Variants in NEURL3 observed in about 807,000 individuals in gnomAD.
NEURL3 encodes neuralized E3 ubiquitin protein ligase 3, also known as E3 ubiquitin-protein ligase NEURL3.
A neutral mutation model predicts 17.6 loss-of-function variants in NEURL3; 19 were observed. The observed-to-expected ratio is 1.08, with a 90% CI of 0.75 to 1.58. The LOEUF (loss-of-function observed/expected upper bound fraction) is 1.58. NEURL3 is among the 40% of genes most tolerant of loss of function. NEURL3 has a pLI of 0.00. For synonymous variants in NEURL3, 180 were observed against 161.4 expected (o/e 1.11, Z -0.87); for missense variants, 342 against 379.6 (o/e 0.90, Z 0.82).
upstream of NEURL3, chr2:96,505,494 G>A: frequency 3.3e-6 from 2 of 606,910 alleles, no homozygotes; most frequent in Non-Finnish European, 5.8e-6. Context: ...AGACTGACCT[G>A]CTGGAGCTGG....
chr2:96,500,686 G>A lies in NEURL3; in HGVS notation c.267C>T (p.Ser89=), dbSNP rs982396956. Reference sequence around the variant, plus strand: ...ACAGGAAGGGCGGCAGGCTGGGCACGGACACGCACGCGGGGTCCAGGCGCG... The same window carrying A: ...ACAGGAAGGGCGGCAGGCTGGGCACAGACACGCACGCGGGGTCCAGGCGCG... ...GFTRLDPACV[S]VPSLPPFLCP... is the part of the protein sequence containing the mutation. Residue 89 remains serine, a synonymous_variant, in exon 2 of 4, where the codon TCC becomes TCT. Transcript: ENST00000451794. 6 of 1,517,964 alleles carry A rather than the reference G, an allele frequency of 4.0e-6. No individual in the cohort carries two copies. The Admixed American group carries it at 8.3e-5, about 21-fold the overall frequency. The allele number at this position is 1,517,964 out of a possible 1,614,324, so 94.0% of individuals were successfully genotyped here. A position where few individuals can be genotyped will look rare whatever the true frequency, so the allele number is the denominator to read the frequency against.
Position 96,498,166 on chromosome 2 carries a change from G to A in NEURL3, c.*78C>T, listed in dbSNP as rs2104601081. On this transcript the variant is annotated 3_prime_UTR_variant, in exon 4 of 4. Coordinates refer to ENST00000451794, the MANE Select transcript of NEURL3 (RefSeq NM_001285485.2). The surrounding 1 kb of genome is among the most constrained non-coding windows in gnomAD (Gnocchi z 4.4). ...TGACTCTTCCCCAGAAAGAAGGTAG[G>A]GCTGCGCCTCCTTCCTCTCTGCAGG... 9 of 1,364,136 alleles carry A rather than the reference G, an allele frequency of 6.6e-6. No individual in the cohort carries two copies. Among genetic ancestry groups the A allele is most frequent in the South Asian group, 1.5e-5 (1 of 67,570 alleles). 84.5% of individuals were successfully genotyped at this position (1,364,136 alleles called of 1,614,324 possible). A position where few individuals can be genotyped will look rare whatever the true frequency, so the allele number is the denominator to read the frequency against.
At chr2:96,506,675 C>T (rs1267132255), upstream of NEURL3, among the ~76,000 whole-genome samples, 1 of 152,274 alleles carries the variant, frequency 6.6e-6, no homozygotes, top group Non-Finnish European at 1.5e-5. Context: ...TTAGTGCAGG[C>T]TGCCTTGGGT....
chr2:96,498,703 G>A lies in NEURL3; in HGVS notation c.587-257C>T, dbSNP rs1316112667. Among the ~76,000 whole-genome samples, 3 of 152,092 alleles carry A rather than the reference G, an allele frequency of 2.0e-5. No individual in the cohort carries two copies. Among genetic ancestry groups the A allele is most frequent in the Non-Finnish European group, 2.9e-5 (2 of 68,026 alleles). On this transcript the variant is annotated intron_variant, in intron 3 of 3. Transcript: ENST00000451794. This position sits in a 1 kb window ranked among gnomAD's most constrained non-coding sequence, Gnocchi z 4.4. ...GTCCCTATATACACACGTCTATATC[G>A]ATGACCGAAAATACTGGGAGGAAAT... is the stretch of plus-strand genomic sequence containing the variant.
intron 1 of NEURL3, 105 bp from the exon 2 acceptor site, chr2:96,501,029 G>C: frequency 7.4e-7 from 1 of 1,344,612 alleles, no homozygotes; most frequent in Non-Finnish European, 9.7e-7. Context: ...GGAGCACCTT[G>C]ACCTTCCCCT....
chr2:96,504,951 T>C (rs936018270), intron 1 of NEURL3, among the ~76,000 whole-genome samples: 2 of 151,042 alleles, frequency 1.3e-5, no homozygotes, highest in African/African-American at 2.4e-5. Flanking sequence ...ACGGGACACC[T>C]GTGGCCTCAG....
chr2:96,501,861 A>G (rs1379584018), intron 1 of NEURL3, among the ~76,000 whole-genome samples: 1 of 152,104 alleles, frequency 6.6e-6, no homozygotes, highest in African/African-American at 2.4e-5. Context: ...TGTTGAAAAT[A>G]AAAGGCGAAT....
At chr2:96,505,209 G>A in intron 1 of NEURL3, 50 bp downstream of exon 1, 1 of 1,595,218 alleles carries the variant, frequency 6.3e-7, no homozygotes, top group Non-Finnish European at 8.5e-7. Flanking sequence ...TCTGCTACCT[G>A]TACCCCCAGT....
At chr2:96,499,487 GC>G in intron 2 of NEURL3, 38 bp from the exon 3 acceptor site, 1 of 1,576,056 alleles carries the variant, frequency 6.3e-7, no homozygotes, top group Non-Finnish European at 8.6e-7. Flanking sequence ...AGGACGGCAA[GC>G]CCAGGTGCCC....
chr2:96,507,358 T>TTG (rs2065569191), upstream of NEURL3, among the ~76,000 whole-genome samples: 1 of 152,268 alleles, frequency 6.6e-6, no homozygotes, highest in South Asian at 2.1e-4. Flanking sequence ...TTTTCTCTTG[T>TTG]TGACCTGTCT....
upstream of NEURL3, among the ~76,000 whole-genome samples, chr2:96,506,625 G>C (rs942075913): frequency 6.6e-6 from 1 of 152,280 alleles, no homozygotes; most frequent in Non-Finnish European, 1.5e-5. Context: ...ATCAGTGACT[G>C]CTCGGCTAAG....
intron 1 of NEURL3, among the ~76,000 whole-genome samples, chr2:96,503,245 T>G (rs2065527427): frequency 6.6e-6 from 1 of 152,066 alleles, no homozygotes; most frequent in African/African-American, 2.4e-5. Flanking sequence ...TGGGAGCCCT[T>G]GAGAAGCAGG....
rs749420891 is a variant in NEURL3 at position 96,498,331 on chromosome 2, C to T, written c.702G>A (p.Thr234=). 19 of 1,598,218 alleles carry T rather than the reference C, an allele frequency of 1.2e-5. No homozygotes were observed. In the Admixed American group the frequency reaches 1.8e-4, roughly 15 times the overall value. The part of the protein sequence containing the change: ...RYCAWRVFSD[T]AKCPVCRWQI... ...GCCAGCGGCACACAGGGCACTTGGC[C>T]GTATCGCTGAAGACCCGCCAGGCAC... is the stretch of plus-strand genomic sequence containing the variant. Residue 234 remains threonine (T), a synonymous_variant, in exon 4 of 4, where the codon ACG becomes ACA. Transcript: ENST00000451794. This position sits in a 1 kb window ranked among gnomAD's most constrained non-coding sequence, Gnocchi z 4.4.
At chr2:96,501,821 C>T (rs537084037) in intron 1 of NEURL3, among the ~76,000 whole-genome samples, 1 of 152,250 alleles carries the variant, frequency 6.6e-6, no homozygotes, top group African/African-American at 2.4e-5. Context: ...TCTTTCTGGG[C>T]TGGGGGAGGG....
intron 1 of NEURL3, among the ~76,000 whole-genome samples, chr2:96,504,877 C>CAAAAAAAAAAAA (rs1157285400): frequency 3.3e-4 from 18 of 55,284 alleles, no homozygotes; most frequent in East Asian, 1.6e-3. Flanking sequence ...GACTCCGTCT[C>CAAAAAAAAAAAA]AAAAAAAAAA....
In NEURL3 at chr2:96,500,466, C is replaced by G; in HGVS notation, c.487G>C (p.Gly163Arg). ...APLWAVMDVYGTTKAIELLDP... is the reference protein window; with the variant it reads ...APLWAVMDVYRTTKAIELLDP... ...AGCAGCTCGATGGCCTTAGTGGTCC[C>G]ATACACGTCCATCACGGCCCAGAGC... Residue 163 changes from glycine (G) to arginine (R), a missense_variant, in exon 2 of 4, where the codon GGG becomes CGG. Coordinates refer to ENST00000451794, the MANE Select transcript of NEURL3 (RefSeq NM_001285485.2). The G allele has an allele frequency of 1.3e-6, 2 of 1,597,160 alleles. No individual in the cohort carries two copies. Among genetic ancestry groups the G allele is most frequent in the East Asian group, 2.2e-5 (1 of 44,802 alleles).
At position 96,498,824 on chromosome 2, in the gene NEURL3, C is replaced by T. The variant is rs2065469991; in HGVS notation, c.587-378G>A. Among the ~76,000 whole-genome samples the T allele has an allele frequency of 6.6e-6, 1 of 152,116 alleles. No homozygotes were observed. Among genetic ancestry groups the T allele is most frequent in the Non-Finnish European group, 1.5e-5 (1 of 68,024 alleles). ...AGACAGTCTCACTCTGTCATCCAGG[C>T]TGGAGTGCAGTGGTGTGATCACAGC... is the stretch of plus-strand genomic sequence containing the variant. On this transcript the variant is annotated intron_variant, in intron 3 of 3. Coordinates refer to ENST00000451794, the MANE Select transcript of NEURL3 (RefSeq NM_001285485.2). This position sits in a 1 kb window ranked among gnomAD's most constrained non-coding sequence, Gnocchi z 4.4.
At chr2:96,499,174 T>A (rs2065472538) in intron 3 of NEURL3, 1 of 1,385,520 alleles carries the variant, frequency 7.2e-7, no homozygotes, top group Admixed American at 3.1e-5. Context: ...TTCATAAAAG[T>A]GCTCTTATAA....
intron 2 of NEURL3, 113 bp from the exon 3 acceptor site, chr2:96,499,562 G>T: frequency 2.2e-6 from 2 of 915,172 alleles, no homozygotes; most frequent in Non-Finnish European, 3.4e-6. Context: ...GGGTTGCAAT[G>T]CTGAGCCCCC....
Sources: allele counts gnomAD v4.1 joint callset (sites outside exome capture counted in the v4.1 genomes callset), GRCh38; gene constraint gnomAD v4.1.1; non-coding constraint Gnocchi (gnomAD v3.1); transcripts MANE v1.5; gene names NCBI Gene and HGNC (gene_info 2026-07-23, HGNC 2026-07-21).